The following PATJ variants were observed in gnomAD, a reference collection of about 807,000 sequenced individuals.
PATJ encodes inaD-like protein.
Under a neutral mutation model 224.9 loss-of-function variants are expected in PATJ, and 190 were observed. That is an observed-to-expected ratio of 0.84 (90% CI 0.75 to 0.95). PATJ has a LOEUF of 0.95. Ranked by LOEUF, PATJ falls within the 40% of genes least tolerant of loss-of-function variation. The pLI, the probability that PATJ is intolerant of heterozygous loss-of-function variation, is 0.00. For synonymous variants in PATJ, 769 were observed against 820.3 expected (o/e 0.94, Z 1.07); for missense variants, 2,121 against 2,270.3 (o/e 0.93, Z 1.34).
chr1:61,992,556 G>T (rs1645131938), intron 28 of PATJ, among the ~76,000 whole-genome samples: 1 of 152,192 alleles, frequency 6.6e-6, no homozygotes, highest in Non-Finnish European at 1.5e-5. Flanking sequence ...TTCCTGTCTT[G>T]CTTGGTACAT....
intron 18 of PATJ, among the ~76,000 whole-genome samples, chr1:61,859,852 T>G (rs1259520702): frequency 6.6e-6 from 1 of 152,080 alleles, no homozygotes; most frequent in African/African-American, 2.4e-5. Context: ...TCTCCTGACC[T>G]CAGGTGATCC....
rs1356937495 is a variant in PATJ at position 62,106,158 on chromosome 1, G to GTGTATATATATATATATATATATATA, written c.4378-2278_4378-2277insGTATATATATATATATATATATATAT. On this transcript the variant is annotated intron_variant, in intron 33 of 43. Transcript: ENST00000642238. ...TACATGTGTATATGTGTGTGTGTGT[G>GTGTATATATATATATATATATATATA]TATATATATATATATATATATATAT... is the stretch of plus-strand genomic sequence containing the variant. Among the ~76,000 whole-genome samples the GTGTATATATATATATATATATATATA allele has an allele frequency of 8.7e-4, 42 of 48,052 alleles. 1 individual carries two copies. Among genetic ancestry groups the GTGTATATATATATATATATATATATA allele is most frequent in the Non-Finnish European group, 1.6e-3 (36 of 22,802 alleles). The allele number at this position is 48,052 out of a possible 152,430, so 31.5% of individuals were successfully genotyped here.
chr1:61,771,724 C>CT (rs199652994), intron 6 of PATJ, 98 bp downstream of exon 6: 58,589 of 702,164 alleles, frequency 0.083, 4 homozygotes, highest in South Asian at 0.098. Context: ...CCTTTCTTTC[C>CT]TTTTTTTTTT....
rs1270325940 is a variant in PATJ, at chr1:62,086,052, G to A, written c.4377+1404G>A. 3.3e-5 allele frequency among the ~76,000 whole-genome samples: 5 copies of A among 152,006 alleles called. No individual in the cohort carries two copies. The highest frequency in any genetic ancestry group is 4.8e-5 in the African/African-American group (2 of 41,394). On this transcript the variant is annotated intron_variant, in intron 33 of 43. Transcript: ENST00000642238. This position sits in a 1 kb window ranked among gnomAD's most constrained non-coding sequence, Gnocchi z 4.0. ...TGGTTTTGAACTCCTAGGCTCAAGCGATCCTCCTACCTTAGCCTCCCAAAA... is the reference window on the plus strand; with the variant it reads ...TGGTTTTGAACTCCTAGGCTCAAGCAATCCTCCTACCTTAGCCTCCCAAAA...
At chr1:62,074,399 A>T (rs1657959482) in intron 31 of PATJ, among the ~76,000 whole-genome samples, 1 of 152,118 alleles carries the variant, frequency 6.6e-6, no homozygotes, top group African/African-American at 2.4e-5. Flanking sequence ...AATGAACCTT[A>T]AAAATAACCA....
At chr1:61,949,092 G>C (rs916326685) in intron 27 of PATJ, among the ~76,000 whole-genome samples, 1 of 151,306 alleles carries the variant, frequency 6.6e-6, no homozygotes, top group South Asian at 2.1e-4. Flanking sequence ...GGGAGGGATT[G>C]CATTAGGAGA....
intron 40 of PATJ, 30 bp from the exon 41 acceptor site, chr1:62,128,811 A>T: frequency 7.2e-7 from 1 of 1,393,694 alleles, no homozygotes; most frequent in Non-Finnish European, 1.0e-6. Context: ...TCTTAATGAT[A>T]GTGATTTTCT....
At chr1:61,820,467 C>G (rs577954933) in intron 14 of PATJ, among the ~76,000 whole-genome samples, 1 of 152,250 alleles carries the variant, frequency 6.6e-6, no homozygotes, top group Admixed American at 6.5e-5. Context: ...CTCAGCCTCC[C>G]GAATAGCTGG....
At chr1:61,834,823 G>T (rs1004007828) in intron 17 of PATJ, among the ~76,000 whole-genome samples, 5 of 151,984 alleles carry the variant, frequency 3.3e-5, no homozygotes, top group African/African-American at 1.2e-4. Context: ...CTATCTCCCT[G>T]GTTCAAGTGA....
intron 27 of PATJ, among the ~76,000 whole-genome samples, chr1:61,960,696 A>G (rs1334257648): frequency 1.3e-5 from 2 of 152,062 alleles, no homozygotes; most frequent in Admixed American, 6.6e-5. Context: ...CCTTTGAACG[A>G]AGTACAATTT....
At chr1:62,123,631 C>G (rs556547143) in intron 39 of PATJ, among the ~76,000 whole-genome samples, 8 of 151,366 alleles carry the variant, frequency 5.3e-5, no homozygotes, top group African/African-American at 1.9e-4. Flanking sequence ...GCGCCTGCCA[C>G]CACGCCCAGC....
chr1:61,983,560 T>G (rs532156486), intron 27 of PATJ, among the ~76,000 whole-genome samples: 1 of 152,232 alleles, frequency 6.6e-6, no homozygotes, highest in African/African-American at 2.4e-5. Context: ...TCTAAAGCTT[T>G]TAGATTTCCA....
chr1:62,020,601 C>G (rs559005630), intron 29 of PATJ, among the ~76,000 whole-genome samples: 6 of 152,268 alleles, frequency 3.9e-5, no homozygotes, highest in Non-Finnish European at 8.8e-5. Context: ...CTGATTATTT[C>G]AGTTTTGATC....
intron 28 of PATJ, among the ~76,000 whole-genome samples, chr1:61,997,925 C>CA (rs1294717544): frequency 4.3e-5 from 6 of 141,036 alleles, no homozygotes; most frequent in African/African-American, 1.6e-4. Context: ...TCAAGTGATC[C>CA]TCCCTCCTCA....
intron 28 of PATJ, among the ~76,000 whole-genome samples, chr1:62,003,092 A>G (rs976334692): frequency 2.6e-5 from 4 of 152,192 alleles, no homozygotes; most frequent in African/African-American, 9.7e-5. Flanking sequence ...CTAGGAAACC[A>G]CTGATTCCTC....
Position 62,006,958 on chromosome 1 carries a change from G to A in PATJ, c.3868-10898G>A, listed in dbSNP as rs115511651. Among the ~76,000 whole-genome samples, 1,310 of 152,260 alleles carry A rather than the reference G, an allele frequency of 8.6e-3. 18 individuals carry two copies. Among genetic ancestry groups the A allele is most frequent in the African/African-American group, 0.03 (1,240 of 41,542 alleles). On this transcript the variant is annotated intron_variant, in intron 28 of 43. Coordinates refer to ENST00000642238, the MANE Select transcript of PATJ (RefSeq NM_001350145.3). ...CCCAGGCTATAAACCTGGGCAGCAT[G>A]TTACTGTACTGAATACTGTAGGCAA...
chr1:62,125,244 AAAAAAAAAACAAAAAAAAAC>A lies in PATJ; in HGVS notation c.5043+2196_5043+2215del, dbSNP rs1386837746. ...AGAGTAAAACCCTGTCTCAAAAAAAAAAAAAAAAACAAAAAAAAACAAAAAAAAAACGCCATTAGCTCTAT... is the reference window on the plus strand; with the variant it reads ...AGAGTAAAACCCTGTCTCAAAAAAAAAAAAAAAAAACGCCATTAGCTCTAT... On this transcript the variant is annotated intron_variant, in intron 39 of 43. Coordinates refer to ENST00000642238, the MANE Select transcript of PATJ (RefSeq NM_001350145.3). Among the ~76,000 whole-genome samples the A allele has an allele frequency of 2.8e-3, 320 of 115,230 alleles. 29 individuals are homozygous for A. Among genetic ancestry groups the A allele is most frequent in the African/African-American group, 1.0e-2 (292 of 29,324 alleles). The allele number at this position is 115,230 out of a possible 152,430, so 75.6% of individuals were successfully genotyped here.
chr1:61,871,456 C>T (rs896564139), intron 20 of PATJ, among the ~76,000 whole-genome samples: 2,143 of 38,602 alleles, frequency 0.056, 67 homozygotes, highest in South Asian at 0.18. Context: ...CATATATATG[C>T]GTATATATAT....
intron 41 of PATJ, among the ~76,000 whole-genome samples, chr1:62,133,817 G>C (rs1365620891): frequency 1.3e-5 from 2 of 150,534 alleles, no homozygotes; most frequent in Admixed American, 1.3e-4. Flanking sequence ...CACAATCTCG[G>C]CTCCACTGAG....
Sources: allele counts gnomAD v4.1 joint callset (sites outside exome capture counted in the v4.1 genomes callset), GRCh38; gene constraint gnomAD v4.1.1; non-coding constraint Gnocchi (gnomAD v3.1); transcripts MANE v1.5; gene names NCBI Gene and HGNC (gene_info 2026-07-23, HGNC 2026-07-21).